Variants in FAF1 observed in about 807,000 individuals in gnomAD.
FAF1 encodes FAS-associated factor 1.
FAF1 carries 25 observed loss-of-function variants against 92.5 expected under a neutral mutation model. That is an observed-to-expected ratio of 0.27 (90% confidence interval 0.20 to 0.38). The LOEUF is 0.38. FAF1 is among the 10% of genes least tolerant of loss of function. The pLI, the probability that FAF1 is intolerant of heterozygous loss-of-function variation, is 1.00. For missense variants in FAF1, 636 were observed against 793.3 expected (o/e 0.80, Z 2.38); for synonymous variants, 234 against 273.2 (o/e 0.86, Z 1.42).
At position 50,690,532 on chromosome 1, in the gene FAF1, C is replaced by T. The variant is rs541812774; in HGVS notation, c.657+15254G>A. Among the ~76,000 whole-genome samples, 339 of 151,980 alleles carry T rather than the reference C, an allele frequency of 2.2e-3. 2 individuals carry two copies. The highest frequency in any genetic ancestry group is 6.9e-3 in the South Asian group (33 of 4,802). On this transcript the variant is annotated intron_variant, in intron 7 of 18. Transcript: ENST00000396153. ...AGGAGAATCGCTTGAACCTGGGAGG[C>T]GGAGGTTGCAGTGAGCTGAGATCGT...
At chr1:50,679,081 C>T (rs1018914791) in intron 7 of FAF1, among the ~76,000 whole-genome samples, 17 of 151,998 alleles carry the variant, frequency 1.1e-4, no homozygotes, top group African/African-American at 1.9e-4. Context: ...AGCGAGACTC[C>T]GTCTCAAAAA....
chr1:50,596,288 G>A (rs1651811913), intron 8 of FAF1, 72 bp from the exon 9 acceptor site: 1 of 1,107,956 alleles, frequency 9.0e-7, no homozygotes, highest in Non-Finnish European at 1.4e-6. Context: ...GACTTTTCAG[G>A]TATTTTCTAT....
chr1:50,574,239 A>C (rs1182848011), intron 12 of FAF1, among the ~76,000 whole-genome samples: 1 of 152,252 alleles, frequency 6.6e-6, no homozygotes, highest in Non-Finnish European at 1.5e-5. Flanking sequence ...AGGTAATACA[A>C]TATATTTGAG....
intron 18 of FAF1, among the ~76,000 whole-genome samples, chr1:50,456,430 C>T (rs540903653): frequency 9.2e-5 from 14 of 152,068 alleles, no homozygotes; most frequent in East Asian, 1.9e-4. Flanking sequence ...CCAAGACCAC[C>T]GTAAGGAGGA....
intron 18 of FAF1, among the ~76,000 whole-genome samples, chr1:50,443,390 G>C (rs1426307150): frequency 6.6e-6 from 1 of 152,120 alleles, no homozygotes; most frequent in Non-Finnish European, 1.5e-5. Context: ...TGGGAGAGCT[G>C]GAATTTGAGA....
intron 18 of FAF1, among the ~76,000 whole-genome samples, chr1:50,467,057 A>G (rs1646506096): frequency 6.6e-6 from 1 of 152,168 alleles, no homozygotes. Context: ...GACCCACTGC[A>G]TGAACTGCAG....
Position 50,664,797 on chromosome 1 carries a change from T to C in FAF1, c.658-9269A>G, listed in dbSNP as rs558070433. 4.4e-3 allele frequency among the ~76,000 whole-genome samples: 671 copies of C among 151,240 alleles called. 10 individuals carry two copies. The highest frequency in any genetic ancestry group is 4.8e-3 in the Non-Finnish European group (326 of 67,796). On this transcript the variant is annotated intron_variant, in intron 7 of 18. Transcript: ENST00000396153. ...CGACAGAGCGAGACTCCGTCTCAAA[T>C]AAACAAACAAACAAACAAACAAACA...
chr1:50,594,183 T>C (rs1254196943), intron 9 of FAF1, among the ~76,000 whole-genome samples: 1 of 151,570 alleles, frequency 6.6e-6, no homozygotes, highest in East Asian at 2.0e-4. Context: ...GGTGTGGTGG[T>C]GCGTGCCTGT....
intron 1 of FAF1, among the ~76,000 whole-genome samples, chr1:50,895,212 G>A (rs1403845218): frequency 2.0e-5 from 3 of 151,840 alleles, no homozygotes; most frequent in Non-Finnish European, 4.4e-5. Flanking sequence ...AAATTCAAAG[G>A]ATCATTAGAG....
chr1:50,847,960 T>C (rs919228660), intron 2 of FAF1, among the ~76,000 whole-genome samples: 2 of 151,678 alleles, frequency 1.3e-5, no homozygotes, highest in African/African-American at 4.8e-5. Context: ...AGAAACATCT[T>C]AAAAAAGGCT....
rs138538507 is a variant in FAF1, at chr1:50,597,174, T to C, written c.745-958A>G. Among the ~76,000 whole-genome samples the C allele has an allele frequency of 1.1e-4, 16 of 152,340 alleles. No individual in the cohort carries two copies. In the East Asian group the frequency reaches 2.9e-3, roughly 28 times the overall value. ...TGGCTCAACAAACATTACTTTTTAC[T>C]AGTCTGTGAAGAATATCTGTGGCTT... On this transcript the variant is annotated intron_variant, in intron 8 of 18. Transcript: ENST00000396153.
At chr1:50,762,969 A>T in intron 4 of FAF1, among the ~76,000 whole-genome samples, 1 of 152,176 alleles carries the variant, frequency 6.6e-6, no homozygotes, top group Non-Finnish European at 1.5e-5. Flanking sequence ...AAAATATAGA[A>T]TGTAGGCCAG....
At chr1:50,696,825 T>C (rs1248769372) in intron 7 of FAF1, among the ~76,000 whole-genome samples, 2 of 152,152 alleles carry the variant, frequency 1.3e-5, no homozygotes, top group African/African-American at 2.4e-5. Context: ...CCTACTGCCC[T>C]CCCTCCACCC....
At chr1:50,645,677 G>C (rs1315381182) in intron 8 of FAF1, among the ~76,000 whole-genome samples, 1 of 152,116 alleles carries the variant, frequency 6.6e-6, no homozygotes, top group African/African-American at 2.4e-5. Context: ...ACAAAAATTA[G>C]CCAGGCGTGG....
chr1:50,953,135 G>T (rs976743265), intron 1 of FAF1, among the ~76,000 whole-genome samples: 1 of 152,124 alleles, frequency 6.6e-6, no homozygotes, highest in Non-Finnish European at 1.5e-5. Context: ...TGTCCACTCA[G>T]GGTTAAATGG....
Position 50,719,778 on chromosome 1 carries a change from C to T in FAF1, c.552-13887G>A, listed in dbSNP as rs912012725. Among the ~76,000 whole-genome samples, 17 of 152,198 alleles carry T rather than the reference C, an allele frequency of 1.1e-4. No homozygotes were observed. The East Asian group carries it at 2.1e-3, about 19-fold the overall frequency. ...GTTTCTGACTATCCATTAAATCAAC[C>T]GTAGAGAATACCCGCAGTTCTTTTT... On this transcript the variant is annotated intron_variant, in intron 6 of 18. Transcript: ENST00000396153.
intron 1 of FAF1, among the ~76,000 whole-genome samples, chr1:50,874,784 T>A: frequency 7.2e-6 from 1 of 139,052 alleles, no homozygotes; most frequent in South Asian, 2.4e-4. Flanking sequence ...TTTTTTTTTT[T>A]TTGGAGACAG....
chr1:50,512,717 G>A (rs963554636), intron 15 of FAF1, among the ~76,000 whole-genome samples: 2 of 152,114 alleles, frequency 1.3e-5, no homozygotes, highest in African/African-American at 2.4e-5. Context: ...TGGCTATAAC[G>A]GCTCTTTTTT....
chr1:50,847,086 T>C (rs2124652355), intron 2 of FAF1, among the ~76,000 whole-genome samples: 1 of 152,304 alleles, frequency 6.6e-6, no homozygotes, highest in East Asian at 1.9e-4. Context: ...TTCATTTCTT[T>C]GTCAGTGAGG....
Sources: allele counts gnomAD v4.1 joint callset (sites outside exome capture counted in the v4.1 genomes callset), GRCh38; gene constraint gnomAD v4.1.1; transcripts MANE v1.5; gene names NCBI Gene and HGNC (gene_info 2026-07-23, HGNC 2026-07-21).